BRF1: variants seen among roughly 807,000 people sequenced by gnomAD.
BRF1 encodes the protein BRF1 general transcription factor IIIB subunit, also known as transcription factor IIIB 90 kDa subunit.
In BRF1, 59 loss-of-function variants were observed where a neutral mutation model predicts 81.7. The observed-to-expected ratio is 0.72, with a 90% CI of 0.59 to 0.90. BRF1 has a LOEUF of 0.90. Ranked by LOEUF, BRF1 falls within the 40% of genes least tolerant of loss-of-function variation. The pLI is 0.00. For missense variants in BRF1, 1,050 were observed against 936.3 expected, an observed-to-expected ratio of 1.12 and a Z score of -1.58; for synonymous variants, 491 against 395.6, an observed-to-expected ratio of 1.24 and a Z score of -2.86.
Position 105,249,242 on chromosome 14 carries a change from C to G in BRF1, c.544+3265G>C, listed in dbSNP as rs1281810455. 5.1e-6 allele frequency: 8 copies of G among 1,579,586 alleles called. No homozygotes were observed. In the Admixed American group the frequency reaches 5.3e-5, roughly 10 times the overall value. On this transcript the variant is annotated intron_variant, in intron 5 of 17. Coordinates refer to ENST00000547530, the MANE Select transcript of BRF1 (RefSeq NM_001519.4). ...GGGGGCGACCAGGACGGTGCCCGCC[C>G]ACAAGGTGGGTAGCGGCGGCCCCTC...
chr14:105,265,080 T>C (rs1566849053), intron 3 of BRF1, among the ~76,000 whole-genome samples: 1 of 149,944 alleles, frequency 6.7e-6, no homozygotes, highest in African/African-American at 2.5e-5. Context: ...TTTGTTTTTT[T>C]AGAGACAGGG....
upstream of BRF1, among the ~76,000 whole-genome samples, chr14:105,305,164 G>T (rs1317401655): frequency 6.6e-6 from 1 of 152,198 alleles, no homozygotes; most frequent in Non-Finnish European, 1.5e-5. Context: ...ACTTTGGGAG[G>T]CTGAGGAGGG....
In BRF1 at chr14:105,226,170, A is replaced by T; in HGVS notation, c.956-9T>A. 1.2e-6 allele frequency: 2 copies of T among 1,614,038 alleles called. No individual in the cohort carries two copies. Among genetic ancestry groups the T allele is most frequent in the Non-Finnish European group, 1.7e-6 (2 of 1,180,014 alleles). On this transcript the variant is annotated splice_polypyrimidine_tract_variant and intron_variant, in intron 9 of 17. Coordinates refer to ENST00000547530, the MANE Select transcript of BRF1 (RefSeq NM_001519.4). ...GTAACTGGATATTTCACCTGAAGTC[A>T]TAAGTTAAAAGCAAAAAGTCAGCAT...
At chr14:105,250,791 G>C in intron 5 of BRF1, 3 of 1,084,332 alleles carry the variant, frequency 2.8e-6, no homozygotes, top group Middle Eastern at 3.2e-4. Context: ...CATGTAGTCA[G>C]CTGAAGCTTG....
intron 6 of BRF1, among the ~76,000 whole-genome samples, 181 bp from the exon 7 acceptor site, chr14:105,229,094 T>G (rs76188187): frequency 0.01 from 1,563 of 152,266 alleles, 53 homozygotes; most frequent in Admixed American, 0.066. Context: ...ACCCTCTCTA[T>G]CTTATTGTGG....
At chr14:105,211,058 T>G (rs1890035743) in intron 17 of BRF1, 64 bp downstream of exon 17, 3 of 1,582,760 alleles carry the variant, frequency 1.9e-6, no homozygotes, top group Non-Finnish European at 1.7e-6. Flanking sequence ...TCAGGGATCA[T>G]GAGGGGCAGT....
At chr14:105,259,342 G>A (rs986063300) in intron 3 of BRF1, among the ~76,000 whole-genome samples, 11 of 152,200 alleles carry the variant, frequency 7.2e-5, no homozygotes, top group Admixed American at 2.0e-4. Context: ...CTACTCAGAA[G>A]GCTAAGGCAG....
chr14:105,245,987 A>C (rs1218113268), intron 5 of BRF1, among the ~76,000 whole-genome samples: 1 of 152,240 alleles, frequency 6.6e-6, no homozygotes, highest in Non-Finnish European at 1.5e-5. Context: ...GATATCCTAT[A>C]GAATGGAAGA....
In BRF1 at chr14:105,309,776, C is replaced by CTTTTTTT. The variant is rs928875653; in HGVS notation, c.-162+5539_-162+5545dup. ...TTAAGGAGAAGGTGGTGATGTGTGT[C>CTTTTTTT]TTTTTTTTTTTTTTTTTTTTTTTTT... is the stretch of plus-strand genomic sequence containing the variant. On this transcript the variant is annotated intron_variant, in intron 1 of 17. Transcript: ENST00000327359. This position sits in a 1 kb window ranked among gnomAD's most constrained non-coding sequence, Gnocchi z 4.0. 1.1e-5 allele frequency among the ~76,000 whole-genome samples: 1 copy of CTTTTTTT among 89,210 alleles called. No individual in the cohort carries two copies. The highest frequency in any genetic ancestry group is 2.1e-5 in the Non-Finnish European group (1 of 48,282). 58.5% of individuals were successfully genotyped at this position (89,210 alleles called of 152,430 possible). A position where few individuals can be genotyped will look rare whatever the true frequency, so the allele number is the denominator to read the frequency against.
intron 1 of BRF1, among the ~76,000 whole-genome samples, chr14:105,290,352 G>A (rs187733149): frequency 6.6e-6 from 1 of 152,308 alleles, no homozygotes; most frequent in African/African-American, 2.4e-5. Flanking sequence ...CTGGGAGGCA[G>A]AGGTTGTGGT....
Position 105,210,414 on chromosome 14 carries a change from G to C in BRF1, c.*137C>G. On this transcript the variant is annotated 3_prime_UTR_variant, in exon 18 of 18. Transcript: ENST00000547530. This position sits in a 1 kb window ranked among gnomAD's most constrained non-coding sequence, Gnocchi z 4.7. The stretch of plus-strand genomic sequence containing the variant: ...CAATGGTAAGTTCCACATGGGACGA[G>C]GGCTGTGGGACAGGTGCCACCTGTC... 2 of 886,654 alleles carry C rather than the reference G, an allele frequency of 2.3e-6. No homozygotes were observed. Among genetic ancestry groups the C allele is most frequent in the South Asian group, 3.1e-5 (2 of 64,404 alleles). 54.9% of individuals were successfully genotyped at this position (886,654 alleles called of 1,614,324 possible).
intron 6 of BRF1, among the ~76,000 whole-genome samples, chr14:105,229,498 T>A (rs1360381383): frequency 6.6e-6 from 1 of 152,182 alleles, no homozygotes; most frequent in Non-Finnish European, 1.5e-5. Flanking sequence ...CCTGCCGACC[T>A]GGGGCTCCAA....
rs2056661844 is a variant in BRF1 at position 105,271,673 on chromosome 14, G to A, written c.439+1048C>T. On this transcript the variant is annotated intron_variant, in intron 3 of 17. Transcript: ENST00000547530. The surrounding 1 kb of genome is among the most constrained non-coding windows in gnomAD (Gnocchi z 5.5). ...CAGCACAGAGCAGAGGAGGCTGGAA[G>A]GCTCTGGGCTCCCTGTCAAGAGGCC... is the stretch of plus-strand genomic sequence containing the variant. Among the ~76,000 whole-genome samples, 1 of 152,226 alleles carries A rather than the reference G, an allele frequency of 6.6e-6. No homozygotes were observed. Among genetic ancestry groups the A allele is most frequent in the Admixed American group, 6.5e-5 (1 of 15,286 alleles).
At chr14:105,248,538 G>C in intron 5 of BRF1, 1 of 922,534 alleles carries the variant, frequency 1.1e-6, no homozygotes, top group Non-Finnish European at 1.3e-6. Context: ...CTGACGCAGC[G>C]TGACGCACCG....
chr14:105,252,334 T>C (rs926299711), intron 5 of BRF1, 173 bp downstream of exon 5: 21 of 974,694 alleles, frequency 2.2e-5, no homozygotes, highest in South Asian at 1.4e-4. Context: ...CGAGACTGTG[T>C]CTTAGAAAAT....
intron 15 of BRF1, among the ~76,000 whole-genome samples, chr14:105,215,281 C>T (rs1890922272): frequency 6.6e-6 from 1 of 151,876 alleles, no homozygotes; most frequent in Non-Finnish European, 1.5e-5. Context: ...CACACGTGTA[C>T]ATAGAGACAA....
At chr14:105,249,074 G>T (rs966237274) in intron 5 of BRF1, 1 of 1,370,628 alleles carries the variant, frequency 7.3e-7, no homozygotes, top group Non-Finnish European at 9.3e-7. Flanking sequence ...GCCGCCCCAC[G>T]CTGCGCGAGA....
At chr14:105,228,649 C>T (rs952080726) in intron 7 of BRF1, among the ~76,000 whole-genome samples, 171 bp downstream of exon 7, 2 of 152,102 alleles carry the variant, frequency 1.3e-5, no homozygotes, top group Non-Finnish European at 2.9e-5. Flanking sequence ...GGCGAGGCAG[C>T]CCACCAGCAC....
At chr14:105,227,169 C>T (rs587598711) in intron 7 of BRF1, 2 of 207,614 alleles carry the variant, frequency 9.6e-6, no homozygotes, top group African/African-American at 4.8e-5. Flanking sequence ...CCTGTAATCC[C>T]AGCATGTGGG....
Sources: allele counts gnomAD v4.1 joint callset (sites outside exome capture counted in the v4.1 genomes callset), GRCh38; gene constraint gnomAD v4.1.1; non-coding constraint Gnocchi (gnomAD v3.1); transcripts MANE v1.5; gene names NCBI Gene and HGNC (gene_info 2026-07-23, HGNC 2026-07-21).